The following TNFAIP8L3 variants were observed in gnomAD, a reference collection of about 807,000 sequenced individuals.
TNFAIP8L3 encodes the protein tumor necrosis factor alpha-induced protein 8-like protein 3.
A neutral mutation model predicts 11.8 loss-of-function variants in TNFAIP8L3; 7 were observed. That is an observed-to-expected ratio of 0.59 (90% CI 0.34 to 1.11). The LOEUF (loss-of-function observed/expected upper bound fraction) is 1.11, where lower values mean the gene tolerates loss of function less well. Ranked by LOEUF, TNFAIP8L3 falls within the 50% of genes most tolerant of loss-of-function variation. TNFAIP8L3 has a pLI of 0.03. For synonymous variants in TNFAIP8L3, 98 were observed against 103.8 expected, an observed-to-expected ratio of 0.94 and a Z score of 0.34; for missense variants, 219 against 258.6, an observed-to-expected ratio of 0.85 and a Z score of 1.05.
At position 51,057,936 on chromosome 15, in the gene TNFAIP8L3, T is replaced by C. The variant is rs757831124; in HGVS notation, c.560A>G (p.Asn187Ser). The C allele has an allele frequency of 1.9e-6, 3 of 1,604,886 alleles. No homozygotes were observed. Among genetic ancestry groups the C allele is most frequent in the South Asian group, 1.1e-5 (1 of 89,038 alleles). Residue 187 changes from asparagine to serine, a missense_variant, in exon 2 of 2, where the codon AAC (asparagine) becomes AGC (serine). Asn to Ser is a conservative substitution (Grantham distance 46). Coordinates refer to ENST00000637513, the MANE Select transcript of TNFAIP8L3 (RefSeq NM_001311175.2). ...LYSLDGDCRP[N>S]LKRICEGINK... is the part of the protein sequence containing the mutation. ...GATTCCTTCACAAATCCTCTTGAGGTTGGGCCTACAGTCTCCATCCAGACT... is the reference window on the plus strand; with the variant it reads ...GATTCCTTCACAAATCCTCTTGAGGCTGGGCCTACAGTCTCCATCCAGACT...
At chr15:51,093,801 T>G (rs1224993469) in intron 1 of TNFAIP8L3, among the ~76,000 whole-genome samples, 1 of 152,206 alleles carries the variant, frequency 6.6e-6, no homozygotes, top group Non-Finnish European at 1.5e-5. Context: ...GGCTTCCTCC[T>G]GTTGCTCAGT....
intron 1 of TNFAIP8L3, among the ~76,000 whole-genome samples, chr15:51,087,707 C>G (rs1174326393): frequency 1.3e-5 from 2 of 151,862 alleles, no homozygotes; most frequent in Non-Finnish European, 2.9e-5. Context: ...GTGTGTCTAG[C>G]ACTTTCTGTG....
At chr15:51,088,387 C>T (rs1254283193) in intron 1 of TNFAIP8L3, among the ~76,000 whole-genome samples, 1 of 152,170 alleles carries the variant, frequency 6.6e-6, no homozygotes, top group African/African-American at 2.4e-5. Flanking sequence ...AATTCCAAAT[C>T]ACATTGCCCT....
At chr15:51,093,956 C>T (rs1476307145) in intron 1 of TNFAIP8L3, among the ~76,000 whole-genome samples, 1 of 152,146 alleles carries the variant, frequency 6.6e-6, no homozygotes, top group East Asian at 1.9e-4. Flanking sequence ...CGTCTGTGTT[C>T]GGGGACCAGT....
At chr15:51,078,330 G>T (rs2140973402) in intron 1 of TNFAIP8L3, among the ~76,000 whole-genome samples, 1 of 150,700 alleles carries the variant, frequency 6.6e-6, no homozygotes, top group South Asian at 2.1e-4. Flanking sequence ...GTTTCCGGGG[G>T]GCAGATATGC....
At position 51,080,697 on chromosome 15, in the gene TNFAIP8L3, A is replaced by G. The variant is rs554935861; in HGVS notation, c.52+13847T>C. On this transcript the variant is annotated intron_variant, in intron 1 of 1. Coordinates refer to ENST00000637513, the MANE Select transcript of TNFAIP8L3 (RefSeq NM_001311175.2). ...GCAAAATAGAGGATATTGTATAGGT[A>G]CTTAAATAACCATGTAAAGTGTAAA... 3.0e-3 allele frequency among the ~76,000 whole-genome samples: 460 copies of G among 152,380 alleles called. 8 individuals are homozygous for G. Among genetic ancestry groups the G allele is most frequent in the African/African-American group, 0.011 (448 of 41,586 alleles).
upstream of TNFAIP8L3, among the ~76,000 whole-genome samples, chr15:51,097,720 C>T (rs1036955415): frequency 2.0e-5 from 3 of 152,162 alleles, no homozygotes; most frequent in Non-Finnish European, 4.4e-5. Flanking sequence ...CCTTATCTCT[C>T]CTCCCAGTAT....
rs947590857 is a variant in TNFAIP8L3, at chr15:51,087,451, T to C, written c.52+7093A>G. 2.6e-5 allele frequency among the ~76,000 whole-genome samples: 4 copies of C among 152,338 alleles called. No homozygotes were observed. The East Asian group carries it at 7.7e-4, about 29-fold the overall frequency. ...GCTCCTTCCAGAATCTCCTCCCTCA[T>C]GTGAAACTGGATGCTTCTACTACAA... On this transcript the variant is annotated intron_variant, in intron 1 of 1. Transcript: ENST00000637513.
At chr15:51,067,607 C>A (rs1946563813) in intron 1 of TNFAIP8L3, among the ~76,000 whole-genome samples, 1 of 152,182 alleles carries the variant, frequency 6.6e-6, no homozygotes, top group East Asian at 1.9e-4. Flanking sequence ...GGGAAACATC[C>A]CCCACATGGG....
exon 1 of TNFAIP8L3, chr15:51,105,143 C>T: frequency 6.2e-7 from 1 of 1,614,084 alleles, no homozygotes; most frequent in South Asian, 1.1e-5. Flanking sequence ...AGTGTGGAAA[C>T]CAGTGTGCTT....
intron 1 of TNFAIP8L3, among the ~76,000 whole-genome samples, chr15:51,082,967 GAA>G (rs1433076903): frequency 6.6e-6 from 1 of 152,164 alleles, no homozygotes; most frequent in Non-Finnish European, 1.5e-5. Flanking sequence ...TATAAACCAA[GAA>G]AGTAAATAAA....
At chr15:51,095,025 A>C (rs1228210387), upstream of TNFAIP8L3, among the ~76,000 whole-genome samples, 2 of 152,012 alleles carry the variant, frequency 1.3e-5, no homozygotes, top group African/African-American at 4.8e-5. Flanking sequence ...CTGGTCTGCA[A>C]GGCCGAGCCC....
intron 1 of TNFAIP8L3, among the ~76,000 whole-genome samples, chr15:51,075,192 T>C (rs2065341101): frequency 6.6e-6 from 1 of 152,196 alleles, no homozygotes; most frequent in Admixed American, 6.5e-5. Flanking sequence ...CAGGTGGAAC[T>C]GAATGTACTC....
At chr15:51,094,951 C>CCGCGCCTCCCTACA (rs1416296688), upstream of TNFAIP8L3, among the ~76,000 whole-genome samples, 8 of 139,098 alleles carry the variant, frequency 5.8e-5, no homozygotes, top group African/African-American at 2.4e-4. This position sits in a 1 kb window ranked among gnomAD's most constrained non-coding sequence, Gnocchi z 4.4. Flanking sequence ...GGGGGCGGCG[C>CCGCGCCTCCCTACA]CGCGCCTCCC....
chr15:51,094,485 A>G lies in TNFAIP8L3; in HGVS notation c.52+59T>C, dbSNP rs1341307142. The G allele has an allele frequency of 3.6e-6, 5 of 1,403,920 alleles. No individual in the cohort carries two copies. In the African/African-American group the frequency reaches 7.6e-5, roughly 21 times the overall value. The allele number at this position is 1,403,920 out of a possible 1,614,324, so 87.0% of individuals were successfully genotyped here. ...GATCGGCTTCCCGATTTCATGCCCC[A>G]GCCTCCCGTCCTCCCCAGCCCCAGC... On this transcript the variant is annotated intron_variant, in intron 1 of 1. Coordinates refer to ENST00000637513, the MANE Select transcript of TNFAIP8L3 (RefSeq NM_001311175.2). This position sits in a 1 kb window ranked among gnomAD's most constrained non-coding sequence, Gnocchi z 4.4.
chr15:51,077,819 G>T (rs1429348796), intron 1 of TNFAIP8L3, among the ~76,000 whole-genome samples: 2 of 152,216 alleles, frequency 1.3e-5, no homozygotes, highest in Non-Finnish European at 2.9e-5. Flanking sequence ...CTGGACTCCA[G>T]CTCGAGTGTG....
At chr15:51,101,291 T>C (rs2065548578) in intron 1 of TNFAIP8L3, among the ~76,000 whole-genome samples, 1 of 152,208 alleles carries the variant, frequency 6.6e-6, no homozygotes, top group African/African-American at 2.4e-5. Context: ...CAGACCTGTG[T>C]AGCCAGTTAC....
At chr15:51,105,259 G>C (rs1317325899) in exon 1 of TNFAIP8L3, 8 of 1,442,204 alleles carry the variant, frequency 5.5e-6, no homozygotes, top group Non-Finnish European at 7.6e-6. Context: ...CCCATTACTT[G>C]AGGTAAGACT....
intron 1 of TNFAIP8L3, among the ~76,000 whole-genome samples, chr15:51,100,925 C>T (rs1047090928): frequency 1.1e-4 from 17 of 152,182 alleles, no homozygotes; most frequent in African/African-American, 4.1e-4. Flanking sequence ...TTTCCATCCT[C>T]TGTATGGAAA....
Sources: allele counts gnomAD v4.1 joint callset (sites outside exome capture counted in the v4.1 genomes callset), GRCh38; gene constraint gnomAD v4.1.1; non-coding constraint Gnocchi (gnomAD v3.1); transcripts MANE v1.5; gene names NCBI Gene and HGNC (gene_info 2026-07-23, HGNC 2026-07-21).